The following SCAI variants were observed in gnomAD, a reference collection of about 807,000 sequenced individuals.
The protein encoded by SCAI is protein SCAI.
Under a neutral mutation model 92.2 loss-of-function variants are expected in SCAI, and 24 were observed. The ratio of observed to expected loss-of-function variants is 0.26; its 90% CI spans 0.19 to 0.37. SCAI has a LOEUF of 0.37. SCAI is among the 10% of genes least tolerant of loss of function. The pLI is 1.00. For synonymous variants in SCAI, 261 were observed against 258.6 expected, an observed-to-expected ratio of 1.01 and a Z score of -0.09; for missense variants, 450 against 736.2, an observed-to-expected ratio of 0.61 and a Z score of 4.50.
At chr9:125,029,542 AAG>A in intron 4 of SCAI, 100 bp downstream of exon 4, 1 of 579,046 alleles carries the variant, frequency 1.7e-6, no homozygotes, top group Non-Finnish European at 3.0e-6. Context: ...GGTGAAAAAA[AAG>A]AAAAAGCACC....
intron 2 of SCAI, among the ~76,000 whole-genome samples, chr9:125,104,705 C>T (rs1420369886): frequency 6.6e-6 from 1 of 151,498 alleles, no homozygotes; most frequent in Non-Finnish European, 1.5e-5. Flanking sequence ...AGTTCAAGAC[C>T]AGCCTGGCCA....
At chr9:125,011,643 C>T (rs1344770075) in intron 9 of SCAI, among the ~76,000 whole-genome samples, 1 of 152,184 alleles carries the variant, frequency 6.6e-6, no homozygotes, top group Non-Finnish European at 1.5e-5. Context: ...CCCAATCTAG[C>T]AAGGCAGGCC....
At chr9:125,014,995 C>T (rs1832723478) in intron 9 of SCAI, among the ~76,000 whole-genome samples, 1 of 152,106 alleles carries the variant, frequency 6.6e-6, no homozygotes, top group East Asian at 1.9e-4. Context: ...AAAGCTGAAA[C>T]TGGATCCCTT....
At chr9:125,031,516 T>G (rs932847199) in intron 3 of SCAI, among the ~76,000 whole-genome samples, 2 of 152,140 alleles carry the variant, frequency 1.3e-5, no homozygotes, top group African/African-American at 4.8e-5. Context: ...ACCAAAGTGC[T>G]GGGATTACAG....
chr9:125,038,689 A>C (rs377153245), intron 3 of SCAI, among the ~76,000 whole-genome samples: 102 of 152,172 alleles, frequency 6.7e-4, no homozygotes, highest in African/African-American at 2.2e-3. Context: ...TCATTTTCTC[A>C]GGATACTGAG....
At chr9:125,105,660 T>C (rs1002352734) in intron 2 of SCAI, among the ~76,000 whole-genome samples, 12 of 152,202 alleles carry the variant, frequency 7.9e-5, no homozygotes, top group African/African-American at 1.9e-4. Flanking sequence ...TTTGGCACAA[T>C]TGCTTATACA....
chr9:125,130,373 G>C (rs976388395), intron 2 of SCAI, among the ~76,000 whole-genome samples: 10 of 152,118 alleles, frequency 6.6e-5, no homozygotes, highest in African/African-American at 2.2e-4. Flanking sequence ...ATTTTGGGGA[G>C]TGATGGAACT....
At chr9:125,139,188 A>G (rs9650748) in intron 2 of SCAI, among the ~76,000 whole-genome samples, 66,957 of 151,720 alleles carry the variant, frequency 0.44, 15,101 homozygotes, top group East Asian at 0.53. Flanking sequence ...TGAGGAAGGC[A>G]GATAGCTTAA....
At chr9:125,127,641 T>C (rs571635264) in intron 2 of SCAI, among the ~76,000 whole-genome samples, 2 of 152,330 alleles carry the variant, frequency 1.3e-5, no homozygotes, top group Admixed American at 6.5e-5. Flanking sequence ...ATTAATGTAC[T>C]AACCTATGGA....
intron 7 of SCAI, 38 bp from the exon 8 acceptor site, chr9:125,019,243 A>C (rs1439226285): frequency 2.5e-6 from 3 of 1,178,194 alleles, no homozygotes; most frequent in Non-Finnish European, 3.7e-6. Flanking sequence ...TTATTAAAAA[A>C]CCCATAAAAA....
intron 2 of SCAI, among the ~76,000 whole-genome samples, chr9:125,107,209 G>A (rs968925968): frequency 5.9e-5 from 9 of 151,980 alleles, no homozygotes; most frequent in African/African-American, 1.9e-4. Flanking sequence ...AGGAGATCGA[G>A]ACCATCCTGG....
chr9:125,142,917 C>T (rs1484618828), intron 1 of SCAI, among the ~76,000 whole-genome samples: 1 of 152,056 alleles, frequency 6.6e-6, no homozygotes, highest in African/African-American at 2.4e-5. Context: ...TCCCTCACCC[C>T]ATCCTCGACC....
chr9:125,033,407 A>C (rs1050680326), intron 3 of SCAI, among the ~76,000 whole-genome samples: 4 of 152,284 alleles, frequency 2.6e-5, no homozygotes, highest in African/African-American at 7.2e-5. Context: ...CACAAGTAGG[A>C]AAACAGCCTG....
chr9:125,055,789 T>C (rs1173191838), intron 3 of SCAI, 87 bp downstream of exon 3: 3 of 1,065,364 alleles, frequency 2.8e-6, no homozygotes, highest in Non-Finnish European at 4.0e-6. Flanking sequence ...ATTCTACCCA[T>C]AATTTTCGGA....
chr9:124,984,200 T>A (rs539952749), intron 14 of SCAI, among the ~76,000 whole-genome samples: 23 of 152,288 alleles, frequency 1.5e-4, no homozygotes, highest in Non-Finnish European at 2.8e-4. Flanking sequence ...CTGCCTGATA[T>A]GTTTCAGGAA....
chr9:125,017,288 A>G (rs1202169725), intron 9 of SCAI, among the ~76,000 whole-genome samples: 1 of 152,152 alleles, frequency 6.6e-6, no homozygotes, highest in Non-Finnish European at 1.5e-5. Flanking sequence ...TTAGTCATCT[A>G]GTTCGGTGAT....
chr9:125,006,128 AAAG>A lies in SCAI; in HGVS notation c.862-2561_862-2559del, dbSNP rs1832501804. Among the ~76,000 whole-genome samples the A allele has an allele frequency of 2.6e-5, 4 of 152,350 alleles. No individual in the cohort carries two copies. In the South Asian group the frequency reaches 8.3e-4, roughly 32 times the overall value. ...GAATTCTAGCTGACAGAATTACATC[AAAG>A]AAGACTCAGAAACAAAAATCATAAA... is the stretch of plus-strand genomic sequence containing the variant. On this transcript the variant is annotated intron_variant, in intron 9 of 17. Coordinates refer to ENST00000336505, the MANE Select transcript of SCAI (RefSeq NM_001144877.3).
chr9:125,046,851 T>C (rs1833454264), intron 3 of SCAI, among the ~76,000 whole-genome samples: 2 of 151,982 alleles, frequency 1.3e-5, no homozygotes, highest in African/African-American at 4.8e-5. Context: ...AAGACCTGGT[T>C]ATATGGACTT....
chr9:124,950,627 G>C lies in SCAI; in HGVS notation c.*2180C>G, dbSNP rs772934457. On this transcript the variant is annotated 3_prime_UTR_variant, in exon 18 of 18. Transcript: ENST00000336505. ...AAAGGAAAGCTATGAAGTTTATTAAGATACTGAAAAAAAAGGAAAGCAGTC... is the reference window on the plus strand; with the variant it reads ...AAAGGAAAGCTATGAAGTTTATTAACATACTGAAAAAAAAGGAAAGCAGTC... 1 of 151,658 alleles carries C rather than the reference G, an allele frequency of 6.6e-6. No individual in the cohort carries two copies. The highest frequency in any genetic ancestry group is 1.5e-5 in the Non-Finnish European group (1 of 67,906). The allele number at this position is 151,658 out of a possible 1,614,324, so 9.4% of individuals were successfully genotyped here. A position where few individuals can be genotyped will look rare whatever the true frequency, so the allele number is the denominator to read the frequency against.
Sources: allele counts gnomAD v4.1 joint callset (sites outside exome capture counted in the v4.1 genomes callset), GRCh38; gene constraint gnomAD v4.1.1; transcripts MANE v1.5; gene names NCBI Gene and HGNC (gene_info 2026-07-23, HGNC 2026-07-21).